The following TCF20 variants were observed in gnomAD, a reference collection of about 807,000 sequenced individuals.
The protein encoded by TCF20 is transcription factor 20.
In TCF20, 3 loss-of-function variants were observed where a neutral mutation model predicts 148.6. The observed-to-expected ratio is 0.02, with a 90% CI of 0.01 to 0.05. The LOEUF (loss-of-function observed/expected upper bound fraction) is 0.05. TCF20 is among the 10% of genes least tolerant of loss of function. The probability of loss-of-function intolerance (pLI) is 1.00; values close to 1 mark genes in which losing one functional copy is unlikely to be tolerated. For missense variants in TCF20, 2,350 were observed against 2,429.3 expected, an observed-to-expected ratio of 0.97 and a Z score of 0.69; for synonymous variants, 1,049 against 909.5, an observed-to-expected ratio of 1.15 and a Z score of -2.76.
chr22:42,262,068 G>T (rs1209329584), intron 1 of TCF20, among the ~76,000 whole-genome samples: 2 of 152,166 alleles, frequency 1.3e-5, no homozygotes, highest in African/African-American at 4.8e-5. Flanking sequence ...GGAGGGCCGT[G>T]AACAAAAGCA....
intron 1 of TCF20, among the ~76,000 whole-genome samples, chr22:42,295,443 T>C (rs1351508375): frequency 7.9e-6 from 1 of 126,062 alleles, no homozygotes; most frequent in Non-Finnish European, 1.7e-5. Context: ...TTTTCTTTTC[T>C]TTTTTTTTTT....
At chr22:42,295,828 C>T (rs1303746376) in intron 1 of TCF20, among the ~76,000 whole-genome samples, 1 of 152,152 alleles carries the variant, frequency 6.6e-6, no homozygotes, top group Non-Finnish European at 1.5e-5. Context: ...CTTGAACTCC[C>T]CACCTCAGCA....
intron 1 of TCF20, among the ~76,000 whole-genome samples, chr22:42,246,524 T>C (rs546958988): frequency 4.8e-4 from 73 of 152,330 alleles, no homozygotes; most frequent in African/African-American, 1.7e-3. Context: ...CTAAATACCA[T>C]TGTTTGCCTT....
At chr22:42,202,311 T>G (rs1027830403) in intron 2 of TCF20, among the ~76,000 whole-genome samples, 1 of 152,244 alleles carries the variant, frequency 6.6e-6, no homozygotes, top group Non-Finnish European at 1.5e-5. Flanking sequence ...ACTGTTGAAA[T>G]GTGCCAAACA....
intron 2 of TCF20, among the ~76,000 whole-genome samples, chr22:42,193,147 T>C (rs1937421495): frequency 6.6e-6 from 1 of 151,516 alleles, no homozygotes; most frequent in Non-Finnish European, 1.5e-5. Context: ...ACAATCCTCA[T>C]TTCAACAGAA....
intron 1 of TCF20, among the ~76,000 whole-genome samples, chr22:42,313,993 C>T (rs1927584300): frequency 1.3e-5 from 2 of 152,368 alleles, no homozygotes; most frequent in South Asian, 4.1e-4. Context: ...CTGCCTCCTT[C>T]CTGTCCTTCC....
chr22:42,252,399 C>T (rs1483316900), intron 1 of TCF20, among the ~76,000 whole-genome samples: 1 of 152,088 alleles, frequency 6.6e-6, no homozygotes, highest in Admixed American at 6.6e-5. Context: ...CAAACATAAA[C>T]TTCGGTAATA....
intron 5 of TCF20, among the ~76,000 whole-genome samples, chr22:42,166,351 T>C (rs149021701): frequency 6.6e-6 from 1 of 152,224 alleles, no homozygotes; most frequent in Non-Finnish European, 1.5e-5. Context: ...CTCACGCCTG[T>C]AATCCCGGCA....
At chr22:42,206,575 C>T (rs1363588792) in intron 2 of TCF20, among the ~76,000 whole-genome samples, 1 of 152,150 alleles carries the variant, frequency 6.6e-6, no homozygotes, top group African/African-American at 2.4e-5. Context: ...CTCCTAGGAT[C>T]TTTGCATTTT....
Position 42,160,967 on chromosome 22 carries a change from G to C in TCF20, c.*436C>G, listed in dbSNP as rs1935412673. 5.8e-6 allele frequency: 1 copy of C among 173,762 alleles called. No individual in the cohort carries two copies. The highest frequency in any genetic ancestry group is 1.2e-5 in the Non-Finnish European group (1 of 82,308). The allele number at this position is 173,762 out of a possible 1,614,324, so 10.8% of individuals were successfully genotyped here. A position where few individuals can be genotyped will look rare whatever the true frequency, so the allele number is the denominator to read the frequency against. On this transcript the variant is annotated 3_prime_UTR_variant, in exon 6 of 6. Coordinates refer to ENST00000677622, the MANE Select transcript of TCF20 (RefSeq NM_001378418.1). Reference sequence around the variant, plus strand: ...CACTTGTCATCGGAACAAATTTGGAGATCTTTAACGAGATAATTTTAAAAC... The same window carrying C: ...CACTTGTCATCGGAACAAATTTGGACATCTTTAACGAGATAATTTTAAAAC...
At chr22:42,225,411 G>A (rs945953300) in intron 1 of TCF20, among the ~76,000 whole-genome samples, 4 of 151,012 alleles carry the variant, frequency 2.6e-5, no homozygotes, top group East Asian at 2.0e-4. Context: ...TCAGGAGATC[G>A]AGACCATCCT....
intron 1 of TCF20, among the ~76,000 whole-genome samples, chr22:42,268,362 C>T (rs1401518576): frequency 6.6e-6 from 1 of 152,158 alleles, no homozygotes; most frequent in African/African-American, 2.4e-5. Context: ...ATCAGTGAAA[C>T]TAATTGCGGT....
At chr22:42,232,368 TTC>T (rs1882692000) in intron 1 of TCF20, among the ~76,000 whole-genome samples, 1 of 152,028 alleles carries the variant, frequency 6.6e-6, no homozygotes, top group South Asian at 2.1e-4. Flanking sequence ...CTTAGAAATA[TTC>T]TGTTGTTAAC....
At chr22:42,231,509 G>A (rs1923395660) in intron 1 of TCF20, among the ~76,000 whole-genome samples, 1 of 152,062 alleles carries the variant, frequency 6.6e-6, no homozygotes, top group African/African-American at 2.4e-5. Flanking sequence ...TCATAAAAAA[G>A]TTTATAGAAT....
intron 3 of TCF20, 67 bp downstream of exon 3, chr22:42,179,540 CAG>C: frequency 1.3e-6 from 1 of 781,562 alleles, no homozygotes; most frequent in South Asian, 2.3e-5. Context: ...ACAACGACAA[CAG>C]AGAGAATCAA....
At chr22:42,275,361 A>G (rs1240530994), upstream of TCF20, among the ~76,000 whole-genome samples, 2 of 152,110 alleles carry the variant, frequency 1.3e-5, no homozygotes, top group Non-Finnish European at 2.9e-5. Flanking sequence ...CATCTTCCCC[A>G]CAGGTGAGCA....
At chr22:42,224,720 A>C (rs1361713836) in intron 1 of TCF20, among the ~76,000 whole-genome samples, 2 of 152,096 alleles carry the variant, frequency 1.3e-5, no homozygotes, top group Non-Finnish European at 2.9e-5. Flanking sequence ...ATTATGGTAT[A>C]TCCACTCAAA....
chr22:42,182,399 G>A (rs919003946), intron 2 of TCF20, among the ~76,000 whole-genome samples: 9 of 152,244 alleles, frequency 5.9e-5, no homozygotes, highest in African/African-American at 2.2e-4. Flanking sequence ...CCATGTGTCA[G>A]ACATATGCTA....
chr22:42,225,362 C>G (rs991130497), intron 1 of TCF20, among the ~76,000 whole-genome samples: 1 of 151,714 alleles, frequency 6.6e-6, no homozygotes, highest in African/African-American at 2.4e-5. Context: ...CACCTGTAAT[C>G]CCAGCACTTT....
Sources: allele counts gnomAD v4.1 joint callset (sites outside exome capture counted in the v4.1 genomes callset), GRCh38; gene constraint gnomAD v4.1.1; transcripts MANE v1.5; gene names NCBI Gene and HGNC (gene_info 2026-07-23, HGNC 2026-07-21).